Variants in RANBP2 observed in about 807,000 individuals in gnomAD.
RANBP2 encodes E3 SUMO-protein ligase RanBP2.
Under a neutral mutation model 303.6 loss-of-function variants are expected in RANBP2, and 57 were observed. That is an observed-to-expected ratio of 0.19 (90% CI 0.15 to 0.23). The LOEUF (loss-of-function observed/expected upper bound fraction) is 0.23, where lower values mean the gene tolerates loss of function less well. RANBP2 is among the 10% of genes least tolerant of loss of function. RANBP2 has a pLI of 1.00. For missense variants in RANBP2, 3,138 were observed against 3,780.8 expected (o/e 0.83, Z 4.46); for synonymous variants, 1,167 against 1,301.5 (o/e 0.90, Z 2.23).
the RANBP2 span, among the ~76,000 whole-genome samples, chr2:108,954,148 T>A: frequency 6.6e-6 from 1 of 152,138 alleles, no homozygotes; most frequent in African/African-American, 2.4e-5. Context: ...CACCTTCTTA[T>A]AAAATCCTGC....
chr2:109,696,786 CT>C, the RANBP2 span, among the ~76,000 whole-genome samples: 4 of 151,220 alleles, frequency 2.6e-5, no homozygotes, highest in African/African-American at 7.3e-5. Flanking sequence ...TTATATAAAT[CT>C]TTTTTTTTGA....
chr2:109,186,653 A>C, the RANBP2 span, among the ~76,000 whole-genome samples: 1 of 152,090 alleles, frequency 6.6e-6, no homozygotes, highest in Non-Finnish European at 1.5e-5. Context: ...GGAGCCCCCT[A>C]GGAAGACCCT....
chr2:109,028,341 C>CA, the RANBP2 span, among the ~76,000 whole-genome samples: 1 of 152,204 alleles, frequency 6.6e-6, no homozygotes, highest in Non-Finnish European at 1.5e-5. Flanking sequence ...ACCTGAGCCT[C>CA]AGGGCTAATG....
the RANBP2 span, among the ~76,000 whole-genome samples, chr2:109,072,136 A>G: frequency 6.6e-6 from 1 of 152,234 alleles, no homozygotes; most frequent in Non-Finnish European, 1.5e-5. Flanking sequence ...TTAAAAACAT[A>G]CTACATATTC....
chr2:109,265,537 G>T, the RANBP2 span, among the ~76,000 whole-genome samples: 1 of 152,174 alleles, frequency 6.6e-6, no homozygotes, highest in Non-Finnish European at 1.5e-5. Flanking sequence ...TATAGGCTGG[G>T]GTCCCTGCAA....
the RANBP2 span, among the ~76,000 whole-genome samples, chr2:109,190,465 C>CTT: frequency 6.6e-6 from 1 of 152,202 alleles, no homozygotes; most frequent in Non-Finnish European, 1.5e-5. Context: ...TGAGCCACTG[C>CTT]GCCTGGTCGA....
At chr2:108,925,254 G>A in the RANBP2 span, among the ~76,000 whole-genome samples, 1 of 152,234 alleles carries the variant, frequency 6.6e-6, no homozygotes, top group Non-Finnish European at 1.5e-5. Flanking sequence ...TTGGCTGAAT[G>A]AATGAATGAC....
At chr2:108,960,464 G>A in the RANBP2 span, among the ~76,000 whole-genome samples, 3 of 152,228 alleles carry the variant, frequency 2.0e-5, no homozygotes, top group Admixed American at 6.5e-5. Context: ...CAAAGAATAA[G>A]TATAATCTGG....
In RANBP2 at chr2:108,768,023, T is replaced by A. The variant is rs1677236457; in HGVS notation, c.7484T>A (p.Val2495Asp). 1.2e-6 allele frequency: 2 copies of A among 1,612,058 alleles called. No individual in the cohort carries two copies. Among genetic ancestry groups the A allele is most frequent in the African/African-American group, 2.7e-5 (2 of 74,996 alleles). The change falls in exon 20 of 29, where the codon GTT becomes GAT. Residue 2495 changes from valine (V) to aspartate (D), a missense_variant. By Grantham distance (152) the Val-to-Asp change is radical. Coordinates refer to ENST00000283195, the MANE Select transcript of RANBP2 (RefSeq NM_006267.5). ...GATGTAGCAGATGCAACTTCAGAAG[T>A]TGAAGTGTCTAGCACATCTGAAACA... Reference protein sequence around the residue: ...GDDVADATSEVEVSSTSETTP... With the variant: ...GDDVADATSEDEVSSTSETTP...
chr2:108,909,588 C>A, the RANBP2 span, among the ~76,000 whole-genome samples: 1 of 152,252 alleles, frequency 6.6e-6, no homozygotes, highest in Admixed American at 6.5e-5. Flanking sequence ...CCAGGCGCAG[C>A]CTGCAGTGGC....
the RANBP2 span, among the ~76,000 whole-genome samples, chr2:109,100,092 G>A: frequency 6.6e-6 from 1 of 152,220 alleles, no homozygotes; most frequent in East Asian, 1.9e-4. Flanking sequence ...TGTGAGGGGA[G>A]ATTAATAGAT....
chr2:109,650,379 A>G, the RANBP2 span, among the ~76,000 whole-genome samples: 7 of 152,226 alleles, frequency 4.6e-5, no homozygotes, highest in African/African-American at 1.7e-4. Flanking sequence ...CCAGGTGTCC[A>G]AAAGCCAGGA....
chr2:109,008,203 T>G, the RANBP2 span, among the ~76,000 whole-genome samples: 1 of 152,206 alleles, frequency 6.6e-6, no homozygotes, highest in Non-Finnish European at 1.5e-5. Flanking sequence ...GTTACCTATG[T>G]GCTTCTGTAT....
At chr2:109,389,198 G>A in the RANBP2 span, among the ~76,000 whole-genome samples, 1 of 152,216 alleles carries the variant, frequency 6.6e-6, no homozygotes, top group South Asian at 2.1e-4. Flanking sequence ...AGGTGCCTGT[G>A]GGTTTTGAGT....
intron 1 of RANBP2, among the ~76,000 whole-genome samples, chr2:108,726,801 C>G (rs2149086948): frequency 6.6e-6 from 1 of 151,972 alleles, no homozygotes; most frequent in East Asian, 1.9e-4. Flanking sequence ...TGTTTGTGTC[C>G]CTGATTACTT....
At chr2:108,935,874 C>T in the RANBP2 span, among the ~76,000 whole-genome samples, 12 of 152,216 alleles carry the variant, frequency 7.9e-5, no homozygotes, top group African/African-American at 2.7e-4. Context: ...CCTTTCCTAG[C>T]CGTCCTCCCC....
the RANBP2 span, among the ~76,000 whole-genome samples, chr2:109,024,926 T>C: frequency 6.6e-6 from 1 of 152,190 alleles, no homozygotes; most frequent in Admixed American, 6.5e-5. Flanking sequence ...ATTAATTACA[T>C]TCACAATGCT....
chr2:108,849,800 C>T, the RANBP2 span, among the ~76,000 whole-genome samples: 1 of 152,222 alleles, frequency 6.6e-6, no homozygotes, highest in Non-Finnish European at 1.5e-5. Flanking sequence ...CTGTGGGGTT[C>T]CAGTGTTCAT....
chr2:109,490,874 C>G, the RANBP2 span: 18 of 1,532,898 alleles, frequency 1.2e-5, no homozygotes, highest in African/African-American at 4.1e-5. Flanking sequence ...CATCTCCTTC[C>G]CGGCAAGCTC....
Sources: gnomAD v4.1 joint callset for allele counts (sites outside exome capture counted in the v4.1 genomes callset) on GRCh38, gnomAD v4.1.1 for gene constraint, MANE v1.5 for transcripts, NCBI Gene and HGNC (gene_info 2026-07-23, HGNC 2026-07-21) for gene names.